The following MAGI2 variants were observed in gnomAD, a reference collection of about 807,000 sequenced individuals.
MAGI2 encodes the protein membrane associated guanylate kinase, WW and PDZ domain containing 2.
Under a neutral mutation model 133.3 loss-of-function variants are expected in MAGI2, and 35 were observed. That is an observed-to-expected ratio of 0.26 (90% CI 0.20 to 0.35). MAGI2 has a LOEUF of 0.35. Ranked by LOEUF, MAGI2 falls within the 10% of genes least tolerant of loss-of-function variation. The pLI, the probability that MAGI2 is intolerant of heterozygous loss-of-function variation, is 1.00. For missense variants in MAGI2, 1,636 were observed against 1,863.4 expected, an observed-to-expected ratio of 0.88 and a Z score of 2.25; for synonymous variants, 729 against 710.6, an observed-to-expected ratio of 1.03 and a Z score of -0.41.
intron 20 of MAGI2, among the ~76,000 whole-genome samples, chr7:78,097,418 G>A (rs1350539276): frequency 6.6e-6 from 1 of 152,090 alleles, no homozygotes; most frequent in Non-Finnish European, 1.5e-5. Flanking sequence ...CTACCTAAAT[G>A]CCCATCATTG....
At chr7:78,226,927 T>C (rs1025753198) in intron 10 of MAGI2, among the ~76,000 whole-genome samples, 1 of 152,154 alleles carries the variant, frequency 6.6e-6, no homozygotes, top group Non-Finnish European at 1.5e-5. Flanking sequence ...ATGCCAATAA[T>C]TGCAGGGTTG....
chr7:78,974,941 AT>A (rs1446594198), intron 2 of MAGI2, among the ~76,000 whole-genome samples: 5 of 151,790 alleles, frequency 3.3e-5, no homozygotes. Context: ...CAAATATAGC[AT>A]TAGATAATGA....
At chr7:78,437,649 G>A (rs1447082177) in intron 6 of MAGI2, among the ~76,000 whole-genome samples, 1 of 152,092 alleles carries the variant, frequency 6.6e-6, no homozygotes, top group Non-Finnish European at 1.5e-5. Context: ...TTGCATTAGG[G>A]TAAACTGTCC....
chr7:79,286,309 A>G (rs976029800), intron 1 of MAGI2, among the ~76,000 whole-genome samples: 4 of 152,066 alleles, frequency 2.6e-5, no homozygotes. Context: ...ACAACCAAAC[A>G]TCACTGAGTT....
intron 6 of MAGI2, among the ~76,000 whole-genome samples, chr7:78,439,573 A>AC: frequency 6.6e-6 from 1 of 152,166 alleles, no homozygotes; most frequent in Admixed American, 6.6e-5. Flanking sequence ...GCCCCACAGC[A>AC]CACCACACAT....
intron 12 of MAGI2, among the ~76,000 whole-genome samples, chr7:78,194,190 C>G (rs1303338470): frequency 1.3e-5 from 2 of 152,110 alleles, no homozygotes; most frequent in South Asian, 2.1e-4. Context: ...AGATGACTTG[C>G]AAGATGGTAG....
At chr7:78,854,849 T>G (rs542201567) in intron 2 of MAGI2, among the ~76,000 whole-genome samples, 2 of 125,506 alleles carry the variant, frequency 1.6e-5, no homozygotes, top group East Asian at 5.2e-4. Context: ...CTACTAGTGA[T>G]GCATTACTCT....
chr7:78,408,481 A>G (rs1562955896), intron 6 of MAGI2, among the ~76,000 whole-genome samples: 2 of 152,074 alleles, frequency 1.3e-5, no homozygotes. Flanking sequence ...TACCTGAGAA[A>G]AGGAGGGATG....
chr7:78,957,282 A>AG (rs1802466932), intron 2 of MAGI2, among the ~76,000 whole-genome samples: 1 of 150,188 alleles, frequency 6.7e-6, no homozygotes, highest in African/African-American at 2.4e-5. Context: ...AAAAAAAAAA[A>AG]AAAGAAAAGA....
At chr7:79,235,703 T>C (rs1425631729) in intron 1 of MAGI2, among the ~76,000 whole-genome samples, 1 of 152,166 alleles carries the variant, frequency 6.6e-6, no homozygotes, top group South Asian at 2.1e-4. Flanking sequence ...TGGCACTCCC[T>C]AGTGAGATGA....
chr7:79,244,089 A>G (rs1214091498), intron 1 of MAGI2, among the ~76,000 whole-genome samples: 2 of 152,242 alleles, frequency 1.3e-5, no homozygotes, highest in Non-Finnish European at 2.9e-5. Flanking sequence ...AGTAATGCAC[A>G]CTAACCAATC....
At chr7:78,399,558 A>C (rs1796660519) in intron 6 of MAGI2, among the ~76,000 whole-genome samples, 1 of 152,216 alleles carries the variant, frequency 6.6e-6, no homozygotes, top group African/African-American at 2.4e-5. Flanking sequence ...TAATCCCAGC[A>C]TTCTGGGAAG....
chr7:78,809,852 T>C (rs1389421508), intron 2 of MAGI2, among the ~76,000 whole-genome samples: 4 of 152,298 alleles, frequency 2.6e-5, no homozygotes, highest in East Asian at 1.9e-4. Flanking sequence ...GTCAGAAATA[T>C]GATTTTCAAT....
chr7:78,136,663 C>T (rs2150544761), intron 16 of MAGI2, among the ~76,000 whole-genome samples: 1 of 152,336 alleles, frequency 6.6e-6, no homozygotes, highest in East Asian at 1.9e-4. Context: ...CTGTCAATAA[C>T]TCTGTGTTGT....
intron 2 of MAGI2, among the ~76,000 whole-genome samples, chr7:78,867,461 T>A (rs1794656979): frequency 6.7e-6 from 1 of 150,238 alleles, no homozygotes; most frequent in Admixed American, 6.7e-5. Flanking sequence ...AAACACCACA[T>A]ATTCTCACTC....
intron 2 of MAGI2, among the ~76,000 whole-genome samples, chr7:78,939,412 T>G (rs1800798214): frequency 6.6e-6 from 1 of 152,116 alleles, no homozygotes; most frequent in African/African-American, 2.4e-5. Flanking sequence ...GAATGGACAT[T>G]CTAACATAAG....
At chr7:79,449,176 T>A (rs190751586) in intron 1 of MAGI2, among the ~76,000 whole-genome samples, 84 of 152,266 alleles carry the variant, frequency 5.5e-4, no homozygotes, top group African/African-American at 1.9e-3. Flanking sequence ...GATCTGACTC[T>A]ATTATTCTAA....
chr7:78,521,842 GTTGGAC>G (rs1354781257), intron 3 of MAGI2, among the ~76,000 whole-genome samples, 197 bp from the exon 4 acceptor site: 2 of 151,748 alleles, frequency 1.3e-5, no homozygotes, highest in Non-Finnish European at 2.9e-5. Context: ...CTTCTGTTGC[GTTGGAC>G]TTTAATGCTT....
intron 3 of MAGI2, among the ~76,000 whole-genome samples, chr7:78,597,802 G>A (rs1207382872): frequency 6.6e-6 from 1 of 151,514 alleles, no homozygotes; most frequent in African/African-American, 2.4e-5. Context: ...TCTTTACAAG[G>A]TTTCTTATAG....
Sources: gnomAD v4.1 joint callset for allele counts (sites outside exome capture counted in the v4.1 genomes callset) on GRCh38, gnomAD v4.1.1 for gene constraint, MANE v1.5 for transcripts, NCBI Gene and HGNC (gene_info 2026-07-23, HGNC 2026-07-21) for gene names.